The following RERE variants were observed in gnomAD, a reference collection of about 807,000 sequenced individuals.
RERE encodes the protein arginine-glutamic acid dipeptide repeats protein.
RERE carries 40 observed loss-of-function variants against 146.1 expected under a neutral mutation model. The ratio of observed to expected loss-of-function variants is 0.27; its 90% CI spans 0.21 to 0.36. The LOEUF (loss-of-function observed/expected upper bound fraction) is 0.36. Ranked by LOEUF, RERE falls within the 10% of genes least tolerant of loss-of-function variation. RERE has a pLI of 1.00. For missense variants in RERE, 1,933 were observed against 2,138.7 expected (o/e 0.90, Z 1.90); for synonymous variants, 1,003 against 866.0 (o/e 1.16, Z -2.78).
intron 1 of RERE, among the ~76,000 whole-genome samples, chr1:8,814,054 C>G (rs1167369409): frequency 1.3e-5 from 2 of 152,278 alleles, no homozygotes; most frequent in Admixed American, 1.3e-4. Flanking sequence ...TGTGACAAAA[C>G]ACTGATGGAG....
At chr1:8,789,301 A>AAAAAAAAAATATATATATAT in intron 1 of RERE, among the ~76,000 whole-genome samples, 2 of 24,814 alleles carry the variant, frequency 8.1e-5, no homozygotes, top group African/African-American at 2.3e-4. Context: ...AAAAAAAAAA[A>AAAAAAAAAATATATATATAT]ATATATATAT....
intron 10 of RERE, among the ~76,000 whole-genome samples, chr1:8,487,075 G>A (rs551432768): frequency 4.6e-5 from 7 of 152,216 alleles, no homozygotes; most frequent in African/African-American, 1.7e-4. Flanking sequence ...CCAATAGTAC[G>A]TAGTGACCAA....
At chr1:8,451,018 C>CCA (rs776515369) in intron 11 of RERE, among the ~76,000 whole-genome samples, 13 of 152,196 alleles carry the variant, frequency 8.5e-5, no homozygotes, top group Non-Finnish European at 1.6e-4. Flanking sequence ...ACCATGACCC[C>CCA]CACAACATCC....
At chr1:8,463,439 C>T (rs1383241251) in intron 11 of RERE, among the ~76,000 whole-genome samples, 1 of 152,162 alleles carries the variant, frequency 6.6e-6, no homozygotes, top group Non-Finnish European at 1.5e-5. Flanking sequence ...ATAAACCAGG[C>T]TCTTTCTGAT....
chr1:8,783,251 C>T (rs1435942863), intron 1 of RERE, among the ~76,000 whole-genome samples: 3 of 152,088 alleles, frequency 2.0e-5, no homozygotes, highest in African/African-American at 7.2e-5. Flanking sequence ...AGAAGGATCA[C>T]CTGAGCCAGG....
intron 1 of RERE, among the ~76,000 whole-genome samples, chr1:8,748,949 G>C (rs1640476779): frequency 6.6e-6 from 1 of 152,134 alleles, no homozygotes; most frequent in South Asian, 2.1e-4. Context: ...TATTTCATAG[G>C]CATGGGGGAC....
At chr1:8,578,839 A>C (rs1442895966) in intron 4 of RERE, among the ~76,000 whole-genome samples, 1 of 152,236 alleles carries the variant, frequency 6.6e-6, no homozygotes, top group African/African-American at 2.4e-5. Flanking sequence ...CTTGTGTTAA[A>C]ACACAAAACA....
At chr1:8,811,516 G>A (rs1280886830) in intron 1 of RERE, among the ~76,000 whole-genome samples, 1 of 152,196 alleles carries the variant, frequency 6.6e-6, no homozygotes, top group Non-Finnish European at 1.5e-5. Flanking sequence ...GCCAAGGAGG[G>A]AGGATAACTT....
At chr1:8,594,097 G>A (rs999644383) in intron 4 of RERE, among the ~76,000 whole-genome samples, 6 of 152,258 alleles carry the variant, frequency 3.9e-5, no homozygotes, top group African/African-American at 1.4e-4. Context: ...AAATGTCACA[G>A]CACTACATTA....
At chr1:8,645,928 A>T (rs1411031247) in intron 2 of RERE, among the ~76,000 whole-genome samples, 1 of 152,242 alleles carries the variant, frequency 6.6e-6, no homozygotes, top group Non-Finnish European at 1.5e-5. Context: ...TTCAAAAGAA[A>T]CAGAAGAAAT....
chr1:8,471,968 C>G (rs779242323), intron 10 of RERE, among the ~76,000 whole-genome samples: 2 of 152,114 alleles, frequency 1.3e-5, no homozygotes, highest in African/African-American at 2.4e-5. Flanking sequence ...CACGTCACCA[C>G]GCCCGGCTAA....
chr1:8,409,420 G>C (rs952567164), intron 12 of RERE, among the ~76,000 whole-genome samples: 2 of 152,222 alleles, frequency 1.3e-5, no homozygotes, highest in Admixed American at 6.5e-5. Flanking sequence ...CTTCTGTCGG[G>C]ACACAGTTCC....
chr1:8,369,508 T>TAAAAAAAAAAAAAAAAAAAAAAAA (rs1186718390), intron 12 of RERE, among the ~76,000 whole-genome samples: 6 of 76,898 alleles, frequency 7.8e-5, no homozygotes, highest in African/African-American at 2.5e-4. Flanking sequence ...CGCCTTTTAC[T>TAAAAAAAAAAAAAAAAAAAAAAAA]AAAAAAAAAA....
chr1:8,675,843 T>C (rs1638829916), intron 1 of RERE, among the ~76,000 whole-genome samples: 1 of 152,164 alleles, frequency 6.6e-6, no homozygotes, highest in African/African-American at 2.4e-5. Context: ...AAATTTTAGG[T>C]ATTTTCAGAT....
intron 4 of RERE, among the ~76,000 whole-genome samples, chr1:8,593,678 T>TCCA (rs1274968100): frequency 2.0e-5 from 3 of 152,200 alleles, no homozygotes; most frequent in Non-Finnish European, 4.4e-5. Flanking sequence ...TGTCCCCCAA[T>TCCA]CCACTGCAGA....
chr1:8,694,047 A>G lies in RERE; in HGVS notation c.-144-37606T>C, dbSNP rs1317361182. ...TCTTTCCCAAAAAAAAAAAAAAAAA[A>G]GGCCAGATTGCTTTAATCCTTACAT... On this transcript the variant is annotated intron_variant, in intron 1 of 22. Transcript: ENST00000400908. Among the ~76,000 whole-genome samples the G allele has an allele frequency of 3.3e-5, 5 of 151,054 alleles. No homozygotes were observed. In the East Asian group the frequency reaches 9.7e-4, roughly 29 times the overall value.
Position 8,360,422 on chromosome 1 carries a change from C to T in RERE, c.3085G>A (p.Ala1029Thr). 7.7e-7 allele frequency: 1 copy of T among 1,301,698 alleles called. No homozygotes were observed. The highest frequency in any genetic ancestry group is 9.8e-7 in the Non-Finnish European group (1 of 1,015,342). 80.6% of individuals were successfully genotyped at this position (1,301,698 alleles called of 1,614,324 possible). Reference protein sequence around the residue: ...SHPPTGLHQVAPQPPFAQHPF... With the variant: ...SHPPTGLHQVTPQPPFAQHPF... Reference sequence around the variant, plus strand: ...TGCTGAGCAAACGGGGGTTGGGGGGCCACCTGGTGGAGGCCTGTAGGGGGG... The same window carrying T: ...TGCTGAGCAAACGGGGGTTGGGGGGTCACCTGGTGGAGGCCTGTAGGGGGG... The change falls in exon 18 of 23, where the codon GCC becomes ACC. Residue 1029 changes from alanine (A) to threonine (T), a missense_variant. Coordinates refer to ENST00000400908, the MANE Select transcript of RERE (RefSeq NM_001042681.2).
chr1:8,524,544 A>T (rs1446157681), intron 7 of RERE, among the ~76,000 whole-genome samples: 1 of 152,208 alleles, frequency 6.6e-6, no homozygotes, highest in Non-Finnish European at 1.5e-5. Flanking sequence ...AGGGTTTTTC[A>T]GTTGCACATT....
intron 7 of RERE, among the ~76,000 whole-genome samples, chr1:8,522,026 CAT>C (rs1299032980): frequency 2.6e-5 from 4 of 152,192 alleles, no homozygotes; most frequent in African/African-American, 9.7e-5. Context: ...CTCAAAGTAT[CAT>C]AGAGTATACA....
Sources: allele counts gnomAD v4.1 joint callset (sites outside exome capture counted in the v4.1 genomes callset), GRCh38; gene constraint gnomAD v4.1.1; transcripts MANE v1.5; gene names NCBI Gene and HGNC (gene_info 2026-07-23, HGNC 2026-07-21).